RGL4: variants seen among roughly 807,000 people sequenced by gnomAD.
RGL4 encodes the protein ral-GDS-related protein.
RGL4 carries 41 observed loss-of-function variants against 49.6 expected under a neutral mutation model. The observed-to-expected ratio is 0.83, with a 90% confidence interval of 0.64 to 1.07. The LOEUF (loss-of-function observed/expected upper bound fraction) is 1.07, where lower values mean the gene tolerates loss of function less well. RGL4 is among the 50% of genes least tolerant of loss of function. RGL4 has a pLI of 0.00. For missense variants in RGL4, 610 were observed against 591.9 expected (o/e 1.03, Z -0.32); for synonymous variants, 255 against 238.0 (o/e 1.07, Z -0.66).
chr22:23,693,437 G>A (rs751361465), intron 3 of RGL4, among the ~76,000 whole-genome samples: 1 of 152,212 alleles, frequency 6.6e-6, no homozygotes, highest in African/African-American at 2.4e-5. Flanking sequence ...GGGCTGATTG[G>A]GATGGGAGGA....
Position 23,692,657 on chromosome 22 carries a change from CT to C in RGL4, c.374-11del. Reference sequence around the variant, plus strand: ...AAAATGACTGGTGTGGTGACCTTTTCTCCTTTTCCAGATCCTGCTCCACGTC... The same window carrying C: ...AAAATGACTGGTGTGGTGACCTTTTCCCTTTTCCAGATCCTGCTCCACGTC... On this transcript the variant is annotated splice_polypyrimidine_tract_variant and intron_variant, in intron 2 of 10. Coordinates refer to ENST00000290691, the MANE Select transcript of RGL4 (RefSeq NM_153615.2). 1 of 1,582,702 alleles carries C rather than the reference CT, an allele frequency of 6.3e-7. No individual in the cohort carries two copies. Among genetic ancestry groups the C allele is most frequent in the Non-Finnish European group, 8.6e-7 (1 of 1,161,474 alleles).
intron 9 of RGL4, 130 bp from the exon 10 acceptor site, chr22:23,698,082 C>G: frequency 3.0e-6 from 4 of 1,312,864 alleles, no homozygotes; most frequent in South Asian, 2.8e-5. Context: ...ACTCTGAGAA[C>G]AGGCTGGGGG....
In RGL4 at chr22:23,692,217, G is replaced by A. The variant is rs1415201773; in HGVS notation, c.179+8G>A. On this transcript the variant is annotated splice_region_variant and intron_variant, in intron 1 of 10. Coordinates refer to ENST00000290691, the MANE Select transcript of RGL4 (RefSeq NM_153615.2). Reference sequence around the variant, plus strand: ...CAGCACTGATGGCTTACGGTAGGGTGGGGCTGTCCTCCACACTGGCAGCAA... The same window carrying A: ...CAGCACTGATGGCTTACGGTAGGGTAGGGCTGTCCTCCACACTGGCAGCAA... 5.0e-6 allele frequency: 8 copies of A among 1,611,380 alleles called. No homozygotes were observed. The highest frequency in any genetic ancestry group is 1.7e-5 in the Admixed American group (1 of 59,938).
At position 23,692,006 on chromosome 22, in the gene RGL4, C is replaced by G; in HGVS notation, c.-25C>G. On this transcript the variant is annotated 5_prime_UTR_variant, in exon 1 of 11. Transcript: ENST00000290691. ...GCCCCTTCCCTCCTAACCCCAGGAC[C>G]AGGGGACCCAGATCTGGAGCTTTGA... The G allele has an allele frequency of 6.2e-7, 1 of 1,609,844 alleles. No homozygotes were observed.
At chr22:23,694,507 C>A in intron 5 of RGL4, 57 bp downstream of exon 5, 1 of 1,179,198 alleles carries the variant, frequency 8.5e-7, no homozygotes, top group Non-Finnish European at 1.3e-6. Context: ...TCACAGGTCT[C>A]CCCCCATGTG....
At position 23,692,833 on chromosome 22, in the gene RGL4, G is replaced by A. The variant is rs754915391; in HGVS notation, c.538G>A (p.Glu180Lys). Reference protein sequence around the residue: ...SAPGPAPAPGEGPPPGTVLEP... With the variant: ...SAPGPAPAPGKGPPPGTVLEP... ...ACCAGGGCCAGCACCAGCACCAGGG[G>A]AAGGGCCCCCTCCAGGGACAGTGCT... The change falls in exon 3 of 11, where the codon GAA becomes AAA. Residue 180 changes from glutamate (E) to lysine (K), a missense_variant. Transcript: ENST00000290691. 1 of 1,613,574 alleles carries A rather than the reference G, an allele frequency of 6.2e-7. No homozygotes were observed. Among genetic ancestry groups the A allele is most frequent in the Admixed American group, 1.7e-5 (1 of 60,028 alleles).
Position 23,692,106 on chromosome 22 carries a change from CT to C in RGL4, c.79del (p.Trp27GlyfsTer62). The C allele has an allele frequency of 3.1e-6, 5 of 1,614,146 alleles. No homozygotes were observed. The highest frequency in any genetic ancestry group is 4.2e-6 in the Non-Finnish European group (5 of 1,180,010). ...AQVYSAVLQG[L>X]WEENVCGTPG... ...GGTGTACAGTGCTGTGCTCCAGGGC[CT>C]TTGGGAAGAGAATGTCTGTGGGACG... On this transcript the variant is annotated frameshift_variant, in exon 1 of 11. Transcript: ENST00000290691. LOFTEE classifies it high-confidence loss of function.
chr22:23,693,694 T>A, intron 3 of RGL4, 65 bp from the exon 4 acceptor site: 1 of 1,284,962 alleles, frequency 7.8e-7, no homozygotes, highest in Non-Finnish European at 1.1e-6. Context: ...AGTCCCTGCC[T>A]GGGACTGTGG....
Position 23,693,977 on chromosome 22 carries a change from A to G in RGL4, c.912+3A>G. 6.2e-7 allele frequency: 1 copy of G among 1,612,860 alleles called. No homozygotes were observed. Among genetic ancestry groups the G allele is most frequent in the Non-Finnish European group, 8.5e-7 (1 of 1,179,490 alleles). On this transcript the variant is annotated splice_donor_region_variant and intron_variant, in intron 4 of 10. Coordinates refer to ENST00000290691, the MANE Select transcript of RGL4 (RefSeq NM_153615.2). The stretch of plus-strand genomic sequence containing the variant: ...AGCACTGGATCAAGGTGGCCAGGGT[A>G]AGCTATGGTTGGGCCTGGGGATTCC...
chr22:23,698,648 G>T, intron 10 of RGL4, 196 bp from the exon 11 acceptor site: 1 of 772,278 alleles, frequency 1.3e-6, no homozygotes. Flanking sequence ...CGTTACAGGT[G>T]TGAGCCACCC....
In RGL4 at chr22:23,692,996, G is replaced by A. The variant is rs1486113252; in HGVS notation, c.696+5G>A. The A allele has an allele frequency of 6.3e-7, 1 of 1,588,870 alleles. No individual in the cohort carries two copies. The highest frequency in any genetic ancestry group is 8.6e-7 in the Non-Finnish European group (1 of 1,165,272). ...CAGCTGACCCTCATGGATGCGGTGA[G>A]CAGCTGAGCTTTGCAGGCTGTGTCT... On this transcript the variant is annotated splice_donor_5th_base_variant and intron_variant, in intron 3 of 10. Coordinates refer to ENST00000290691, the MANE Select transcript of RGL4 (RefSeq NM_153615.2).
At chr22:23,698,736 C>A in intron 10 of RGL4, 108 bp from the exon 11 acceptor site, 1 of 1,362,772 alleles carries the variant, frequency 7.3e-7, no homozygotes, top group Non-Finnish European at 9.9e-7. Context: ...GCATCAAGCC[C>A]TGTTGCATGG....
intron 7 of RGL4, 39 bp from the exon 8 acceptor site, chr22:23,697,132 C>G (rs763565545): frequency 6.7e-7 from 1 of 1,502,438 alleles, no homozygotes. Context: ...ATACTCATCA[C>G]CACTACCCCT....
In RGL4 at chr22:23,691,156, G is replaced by A. The variant is rs1018172664; in HGVS notation, c.-875G>A. 2.0e-5 allele frequency: 3 copies of A among 152,226 alleles called. No individual in the cohort carries two copies. The highest frequency in any genetic ancestry group is 2.9e-5 in the Non-Finnish European group (2 of 68,084). 9.4% of individuals were successfully genotyped at this position (152,226 alleles called of 1,614,324 possible). Reference sequence around the variant, plus strand: ...AGCCTAAAACTCTGGAAAATCTGCTGGGGGTGCTGTGATTCATGTTTGTTA... The same window carrying A: ...AGCCTAAAACTCTGGAAAATCTGCTAGGGGTGCTGTGATTCATGTTTGTTA... On this transcript the variant is annotated 5_prime_UTR_variant, in exon 1 of 11. Coordinates refer to ENST00000290691, the MANE Select transcript of RGL4 (RefSeq NM_153615.2).
chr22:23,692,734 C>G lies in RGL4; in HGVS notation c.439C>G (p.Leu147Val), dbSNP rs1923218367. The part of the protein sequence containing the change: ...MPALEPAPPL[L>V]ADLGPALEPE... ...GGCCCTGGAGCCAGCACCACCACTGCTGGCGGACCTGGGGCCTGCTCTGGA... is the reference window on the plus strand; with the variant it reads ...GGCCCTGGAGCCAGCACCACCACTGGTGGCGGACCTGGGGCCTGCTCTGGA... The change falls in exon 3 of 11, where the codon CTG becomes GTG. Residue 147 changes from leucine to valine, a missense_variant. Transcript: ENST00000290691. 6.2e-7 allele frequency: 1 copy of G among 1,613,148 alleles called. No individual in the cohort carries two copies. The highest frequency in any genetic ancestry group is 1.3e-5 in the African/African-American group (1 of 74,946).
chr22:23,696,382 C>A (rs1923493070), intron 6 of RGL4: 1 of 1,469,362 alleles, frequency 6.8e-7, no homozygotes, highest in Non-Finnish European at 9.1e-7. Flanking sequence ...CCCTCAGAGG[C>A]CCTGTGAGGT....
Position 23,699,019 on chromosome 22 carries a change from T to C in RGL4, c.*136T>C. The C allele has an allele frequency of 3.9e-6, 6 of 1,549,722 alleles. No homozygotes were observed. Among genetic ancestry groups the C allele is most frequent in the Non-Finnish European group, 5.2e-6 (6 of 1,146,906 alleles). The stretch of plus-strand genomic sequence containing the variant: ...CTGGCAGCTCAGCTGCATCTTGCCC[T>C]GGATCCTCATCACCAACTGCTCCTG... On this transcript the variant is annotated 3_prime_UTR_variant, in exon 11 of 11. Transcript: ENST00000290691.
At chr22:23,695,495 T>C (rs779808639) in intron 6 of RGL4, 3 of 548,132 alleles carry the variant, frequency 5.5e-6, no homozygotes, top group South Asian at 1.5e-5. Flanking sequence ...CACACCTCCA[T>C]GGGCAGGGGG....
Position 23,698,213 on chromosome 22 carries a change from A to C in RGL4, c.1262A>C (p.Glu421Ala). The change falls in exon 10 of 11, where the codon GAG (glutamate) becomes GCG (alanine). Residue 421 changes from glutamate to alanine, a missense_variant and splice_region_variant. Physicochemically the swap from Glu to Ala is moderately radical, Grantham distance 107. Coordinates refer to ENST00000290691, the MANE Select transcript of RGL4 (RefSeq NM_153615.2). ...CAGCATCCTGTCCTCTGTCTCTAGGAGGTCCGAGTTCTGCAGGAAATGCAG... is the reference window on the plus strand; with the variant it reads ...CAGCATCCTGTCCTCTGTCTCTAGGCGGTCCGAGTTCTGCAGGAAATGCAG... ...LDGNTNKRSK[E>A]VRVLQEMQLL... The C allele has an allele frequency of 1.2e-6, 2 of 1,603,280 alleles. No individual in the cohort carries two copies. The highest frequency in any genetic ancestry group is 1.7e-6 in the Non-Finnish European group (2 of 1,171,238).
Sources: allele counts gnomAD v4.1 joint callset (sites outside exome capture counted in the v4.1 genomes callset), GRCh38; gene constraint gnomAD v4.1.1; transcripts MANE v1.5; gene names NCBI Gene and HGNC (gene_info 2026-07-23, HGNC 2026-07-21).